The following CCDC144A variants were observed in gnomAD, a reference collection of about 807,000 sequenced individuals.
The protein encoded by CCDC144A is coiled-coil domain-containing protein 144A.
In CCDC144A, 41 loss-of-function variants were observed where a neutral mutation model predicts 143.8. The observed-to-expected ratio is 0.29, with a 90% CI of 0.22 to 0.37. The LOEUF (loss-of-function observed/expected upper bound fraction) is 0.37. Among genes scored for constraint, CCDC144A ranks in the 10% least tolerant of loss-of-function variants. The pLI, the probability that CCDC144A is intolerant of heterozygous loss-of-function variation, is 1.00. For missense variants in CCDC144A, 637 were observed against 1,488.8 expected (o/e 0.43, Z 9.41); for synonymous variants, 242 against 517.9 (o/e 0.47, Z 7.23).
chr17:16,771,445 G>A (rs1257996388), intron 15 of CCDC144A, among the ~76,000 whole-genome samples: 48 of 152,306 alleles, frequency 3.2e-4, no homozygotes, highest in African/African-American at 1.1e-3. Context: ...TTTTGCCAGT[G>A]GAACTTTCAC....
At chr17:16,711,149 A>AAAAAAAAAAC (rs1286908650) in intron 5 of CCDC144A, among the ~76,000 whole-genome samples, 1 of 141,206 alleles carries the variant, frequency 7.1e-6, no homozygotes, top group African/African-American at 2.6e-5. Context: ...AAAAAAAAAA[A>AAAAAAAAAAC]AAAAAAAAAC....
At chr17:16,704,076 G>C (rs923598423) in intron 2 of CCDC144A, among the ~76,000 whole-genome samples, 29 of 152,170 alleles carry the variant, frequency 1.9e-4, no homozygotes, top group African/African-American at 7.0e-4. Flanking sequence ...ATGTGGTTGT[G>C]GATAAATGCA....
chr17:16,721,442 CTG>C (rs546799364), intron 8 of CCDC144A, among the ~76,000 whole-genome samples: 1 of 150,604 alleles, frequency 6.6e-6, no homozygotes, highest in African/African-American at 2.4e-5. Flanking sequence ...CTTATTATTG[CTG>C]TTTTTAAATT....
chr17:16,693,313 AG>A (rs897400916), intron 2 of CCDC144A, among the ~76,000 whole-genome samples: 4 of 148,056 alleles, frequency 2.7e-5, no homozygotes, highest in African/African-American at 1.0e-4. Context: ...AATAAGAAAA[AG>A]TGTTTTTTTT....
intron 12 of CCDC144A, among the ~76,000 whole-genome samples, chr17:16,745,151 G>A (rs573753371): frequency 3.4e-4 from 51 of 151,412 alleles, no homozygotes; most frequent in Non-Finnish European, 5.5e-4. Flanking sequence ...TGCAGGCATG[G>A]CTGACTCACA....
At chr17:16,718,218 T>G (rs1912883417) in intron 6 of CCDC144A, among the ~76,000 whole-genome samples, 1 of 152,138 alleles carries the variant, frequency 6.6e-6, no homozygotes, top group Non-Finnish European at 1.5e-5. Context: ...CTGACTGTAG[T>G]GGATAAGCAT....
At chr17:16,690,147 G>C, upstream of CCDC144A, 1 of 341,914 alleles carries the variant, frequency 2.9e-6, no homozygotes, top group Non-Finnish European at 5.3e-6. Flanking sequence ...TTTCTGGGAG[G>C]CTGGAGCTGC....
chr17:16,701,299 C>G (rs912796116), intron 2 of CCDC144A, among the ~76,000 whole-genome samples: 1 of 152,214 alleles, frequency 6.6e-6, no homozygotes, highest in South Asian at 2.1e-4. Context: ...TTATCAGTAC[C>G]CCCCATCGGA....
rs1491438660 is a variant in CCDC144A, at chr17:16,729,991, T to TATATACACACACACAC, written c.2106-1808_2106-1807insTATACACACACACACA. 1.7e-4 allele frequency among the ~76,000 whole-genome samples: 20 copies of TATATACACACACACAC among 114,884 alleles called. 1 individual carries two copies. Among genetic ancestry groups the TATATACACACACACAC allele is most frequent in the African/African-American group, 6.7e-4 (20 of 30,064 alleles). 75.4% of individuals were successfully genotyped at this position (114,884 alleles called of 152,430 possible). ...ATATATATATATATATATATATATA[T>TATATACACACACACAC]ACACACATACATTTTTTGTTTTTTT... On this transcript the variant is annotated intron_variant, in intron 9 of 16. Coordinates refer to ENST00000399273, the MANE Select transcript of CCDC144A (RefSeq NM_001382000.1).
At chr17:16,771,853 A>G in intron 15 of CCDC144A, 124 bp from the exon 16 acceptor site, 1 of 723,244 alleles carries the variant, frequency 1.4e-6, no homozygotes, top group Admixed American at 3.1e-5. Flanking sequence ...TTTTAATTTA[A>G]GCAATCTTCA....
chr17:16,758,702 G>A (rs1480880978), intron 12 of CCDC144A, among the ~76,000 whole-genome samples: 1 of 152,188 alleles, frequency 6.6e-6, no homozygotes, highest in Non-Finnish European at 1.5e-5. Context: ...GCAATGACCT[G>A]TGTTTTCAGC....
chr17:16,766,307 AG>A, intron 15 of CCDC144A: 1 of 152,344 alleles, frequency 6.6e-6, no homozygotes, highest in African/African-American at 2.4e-5. Flanking sequence ...AATGGGAGGC[AG>A]GTTTGCCCTA....
chr17:16,698,500 C>T (rs1174313408), intron 2 of CCDC144A, among the ~76,000 whole-genome samples: 2 of 152,180 alleles, frequency 1.3e-5, no homozygotes, highest in African/African-American at 4.8e-5. Context: ...GTAACTGCAG[C>T]AGCTCCCTGT....
chr17:16,740,374 A>C (rs1201220250), intron 12 of CCDC144A, among the ~76,000 whole-genome samples: 1 of 152,206 alleles, frequency 6.6e-6, no homozygotes, highest in Non-Finnish European at 1.5e-5. Flanking sequence ...ATGCTTTTAT[A>C]GTTCAATACA....
chr17:16,698,393 A>C (rs1275225540), intron 2 of CCDC144A, among the ~76,000 whole-genome samples: 1 of 152,122 alleles, frequency 6.6e-6, no homozygotes, highest in Non-Finnish European at 1.5e-5. Context: ...TCTTCTAAAG[A>C]ACAATCATAG....
rs540235542 is a variant in CCDC144A at position 16,729,380 on chromosome 17, G to T, written c.2105+1640G>T. On this transcript the variant is annotated intron_variant, in intron 9 of 16. Coordinates refer to ENST00000399273, the MANE Select transcript of CCDC144A (RefSeq NM_001382000.1). The stretch of plus-strand genomic sequence containing the variant: ...TTTAAATATGTTTGTTGGCCATTTG[G>T]GCATCTTCTTTTGAAAAATGTCTGT... Among the ~76,000 whole-genome samples the T allele has an allele frequency of 5.6e-3, 859 of 152,100 alleles. 27 individuals are homozygous for T. The highest frequency in any genetic ancestry group is 0.046 in the Admixed American group (704 of 15,268).
At chr17:16,681,753 G>T in the CCDC144A span, among the ~76,000 whole-genome samples, 9 of 151,982 alleles carry the variant, frequency 5.9e-5, no homozygotes, top group African/African-American at 2.2e-4. Context: ...CAGCCACTCG[G>T]GAGGCTGAGG....
intron 12 of CCDC144A, chr17:16,746,131 T>C (rs1278258702): frequency 1.0e-5 from 16 of 1,583,490 alleles, no homozygotes; most frequent in Admixed American, 6.9e-5. Context: ...GATTCCTGCT[T>C]GCCACCTCCA....
At chr17:16,679,155 C>T in the CCDC144A span, among the ~76,000 whole-genome samples, 2 of 151,878 alleles carry the variant, frequency 1.3e-5, no homozygotes, top group African/African-American at 2.4e-5. Context: ...TTTTCTCCAT[C>T]TTTGTCTATC....
Sources: allele counts gnomAD v4.1 joint callset (sites outside exome capture counted in the v4.1 genomes callset), GRCh38; gene constraint gnomAD v4.1.1; transcripts MANE v1.5; gene names NCBI Gene and HGNC (gene_info 2026-07-23, HGNC 2026-07-21).